The following INTS3 variants were observed in gnomAD, a reference collection of about 807,000 sequenced individuals.
INTS3 encodes SOSS complex subunit A.
A neutral mutation model predicts 146.3 loss-of-function variants in INTS3; 34 were observed. The observed-to-expected ratio is 0.23, with a 90% CI of 0.18 to 0.31. The LOEUF (loss-of-function observed/expected upper bound fraction) is 0.31. Among genes scored for constraint, INTS3 ranks in the 10% least tolerant of loss-of-function variants. The pLI is 1.00. For synonymous variants in INTS3, 475 were observed against 494.9 expected, an observed-to-expected ratio of 0.96 and a Z score of 0.53; for missense variants, 757 against 1,304.2, an observed-to-expected ratio of 0.58 and a Z score of 6.46.
intron 8 of INTS3, chr1:153,753,687 G>C (rs1415401551): frequency 7.5e-6 from 1 of 132,936 alleles, no homozygotes; most frequent in East Asian, 2.2e-4. Flanking sequence ...ACGGAGTCTT[G>C]CTCTGTCCCT....
intron 5 of INTS3, 65 bp from the exon 6 acceptor site, chr1:153,748,624 A>AG: frequency 7.8e-7 from 1 of 1,282,924 alleles, no homozygotes; most frequent in Admixed American, 1.7e-5. Flanking sequence ...GAATGGGTGA[A>AG]GAGATGTATT....
chr1:153,756,296 C>T (rs949911920), intron 9 of INTS3, among the ~76,000 whole-genome samples: 2 of 151,590 alleles, frequency 1.3e-5, no homozygotes, highest in African/African-American at 4.8e-5. Flanking sequence ...ACGCAGGAGG[C>T]AGAGGTTACA....
intron 3 of INTS3, among the ~76,000 whole-genome samples, chr1:153,741,871 C>A (rs1271089985): frequency 6.6e-6 from 1 of 152,184 alleles, no homozygotes; most frequent in African/African-American, 2.4e-5. Flanking sequence ...TGGAGTCAGA[C>A]TTCCTGAGGA....
intron 20 of INTS3, chr1:153,766,806 C>T (rs911199696): frequency 2.6e-5 from 4 of 151,658 alleles, no homozygotes; most frequent in African/African-American, 4.9e-5. Flanking sequence ...TCTCCTGCCT[C>T]AGCCTGCTGA....
At chr1:153,730,417 A>G (rs1271201800) in intron 1 of INTS3, among the ~76,000 whole-genome samples, 1 of 152,216 alleles carries the variant, frequency 6.6e-6, no homozygotes, top group Non-Finnish European at 1.5e-5. Context: ...ATCCCTGTGT[A>G]CTAACACTGG....
chr1:153,764,758 A>G, intron 19 of INTS3, 24 bp downstream of exon 19: 1 of 1,589,934 alleles, frequency 6.3e-7, no homozygotes. Flanking sequence ...TATAGGAGAT[A>G]CTGTTCTACC....
intron 9 of INTS3, among the ~76,000 whole-genome samples, chr1:153,756,816 C>CA (rs1024465309): frequency 2.6e-5 from 4 of 151,682 alleles, no homozygotes; most frequent in Non-Finnish European, 4.4e-5. Flanking sequence ...AACTCTGCCT[C>CA]AAAAAAAATA....
intron 3 of INTS3, among the ~76,000 whole-genome samples, chr1:153,743,009 G>A (rs1170512258): frequency 6.6e-6 from 1 of 152,234 alleles, no homozygotes; most frequent in African/African-American, 2.4e-5. Flanking sequence ...GACAGAATTA[G>A]GAGGACACAG....
intron 21 of INTS3, 69 bp from the exon 22 acceptor site, chr1:153,768,824 G>C: frequency 8.3e-7 from 1 of 1,202,876 alleles, no homozygotes; most frequent in Non-Finnish European, 1.2e-6. Flanking sequence ...TAATAAGGAA[G>C]GAGAGTGGGC....
intron 10 of INTS3, among the ~76,000 whole-genome samples, chr1:153,758,681 CGGCTGTAGTCCCA>C (rs1672256410): frequency 6.6e-6 from 1 of 150,574 alleles, no homozygotes; most frequent in African/African-American, 2.5e-5. Context: ...TGTTGGTGTG[CGGCTGTAGTCCCA>C]GGCTGAGGTG....
intron 3 of INTS3, among the ~76,000 whole-genome samples, chr1:153,744,861 A>G (rs1271394502): frequency 5.3e-5 from 8 of 152,160 alleles, no homozygotes; most frequent in Non-Finnish European, 1.2e-4. Flanking sequence ...TATTCCCAGC[A>G]GCCTCTTCTG....
intron 12 of INTS3, 166 bp downstream of exon 12, chr1:153,760,556 C>T (rs911751170): frequency 3.1e-6 from 2 of 639,096 alleles, no homozygotes. Flanking sequence ...CCATATTCCA[C>T]TGTCTGCACT....
intron 6 of INTS3, 31 bp from the exon 7 acceptor site, chr1:153,751,064 G>A (rs1671940578): frequency 6.2e-7 from 1 of 1,612,372 alleles, no homozygotes; most frequent in East Asian, 2.2e-5. Context: ...TCTAGACAGA[G>A]CATAGGAGCC....
intron 3 of INTS3, among the ~76,000 whole-genome samples, chr1:153,745,154 T>TG (rs1233990433): frequency 2.2e-5 from 3 of 138,060 alleles, no homozygotes; most frequent in Non-Finnish European, 4.5e-5. Context: ...ACAACATCCT[T>TG]GCTGTACTTT....
Position 153,772,273 on chromosome 1 carries a change from GTGGAGGGTGTCTCGCACTCTGGAA to G in INTS3, c.2721-66_2721-43del. ...CTCTGTCTTAAGGGGGCCCTGGCGGGTGGAGGGTGTCTCGCACTCTGGAACCCTCCCACACTCAGACTCTGGCTC... is the reference window on the plus strand; with the variant it reads ...CTCTGTCTTAAGGGGGCCCTGGCGGGCCCTCCCACACTCAGACTCTGGCTC... On this transcript the variant is annotated intron_variant, in intron 26 of 29. Transcript: ENST00000318967. This position sits in a 1 kb window ranked among gnomAD's most constrained non-coding sequence, Gnocchi z 4.6. 15 of 1,550,864 alleles carry G rather than the reference GTGGAGGGTGTCTCGCACTCTGGAA, an allele frequency of 9.7e-6. No homozygotes were observed. Among genetic ancestry groups the G allele is most frequent in the Non-Finnish European group, 1.3e-5 (15 of 1,135,916 alleles).
rs1672204722 is a variant in INTS3, at chr1:153,757,515, T to C, written c.958-57T>C. Reference sequence around the variant, plus strand: ...GAGTTAAGTGGTGCTCGTTTTCCTCTGGCCAAGGACCCCACACTGTCTTCT... The same window carrying C: ...GAGTTAAGTGGTGCTCGTTTTCCTCCGGCCAAGGACCCCACACTGTCTTCT... On this transcript the variant is annotated intron_variant, in intron 9 of 29. Coordinates refer to ENST00000318967, the MANE Select transcript of INTS3 (RefSeq NM_023015.5). The surrounding 1 kb of genome is among the most constrained non-coding windows in gnomAD (Gnocchi z 4.0). The C allele has an allele frequency of 4.6e-6, 7 of 1,509,452 alleles. No homozygotes were observed. The highest frequency in any genetic ancestry group is 1.8e-4 in the Middle Eastern group (1 of 5,570). 93.5% of individuals were successfully genotyped at this position (1,509,452 alleles called of 1,614,324 possible).
chr1:153,751,008 G>A lies in INTS3; in HGVS notation c.585-87G>A. 5.2e-6 allele frequency: 7 copies of A among 1,352,412 alleles called. No homozygotes were observed. In the South Asian group the frequency reaches 6.9e-5, roughly 13 times the overall value. The allele number at this position is 1,352,412 out of a possible 1,614,324, so 83.8% of individuals were successfully genotyped here. A position where few individuals can be genotyped will look rare whatever the true frequency, so the allele number is the denominator to read the frequency against. ...TGTCAAATCATCAATTATTTCTGAG[G>A]CACTGTAGCCAAGCCCAAGAAGCGT... On this transcript the variant is annotated intron_variant, in intron 6 of 29. Transcript: ENST00000318967.
Position 153,773,490 on chromosome 1 carries a change from C to T in INTS3, c.*220C>T, listed in dbSNP as rs539524386. 1 of 607,344 alleles carries T rather than the reference C, an allele frequency of 1.6e-6. No individual in the cohort carries two copies. The highest frequency in any genetic ancestry group is 2.1e-5 in the South Asian group (1 of 47,712). The allele number at this position is 607,344 out of a possible 1,614,324, so 37.6% of individuals were successfully genotyped here. A position where few individuals can be genotyped will look rare whatever the true frequency, so the allele number is the denominator to read the frequency against. Reference sequence around the variant, plus strand: ...CTGGGGCCTCCAGCCCCTCACACTGCTGTTCCCAGTGATATTTGGGATCTG... The same window carrying T: ...CTGGGGCCTCCAGCCCCTCACACTGTTGTTCCCAGTGATATTTGGGATCTG... On this transcript the variant is annotated 3_prime_UTR_variant, in exon 30 of 30. Transcript: ENST00000318967.
intron 2 of INTS3, 62 bp downstream of exon 2, chr1:153,740,796 A>G: frequency 7.7e-7 from 1 of 1,304,504 alleles, no homozygotes; most frequent in Non-Finnish European, 1.1e-6. Context: ...AACATGGTCA[A>G]AAAGATGGAA....
Sources: allele counts gnomAD v4.1 joint callset (sites outside exome capture counted in the v4.1 genomes callset), GRCh38; gene constraint gnomAD v4.1.1; non-coding constraint Gnocchi (gnomAD v3.1); transcripts MANE v1.5; gene names NCBI Gene and HGNC (gene_info 2026-07-23, HGNC 2026-07-21).